The following LRGUK variants were observed in gnomAD, a reference collection of about 807,000 sequenced individuals.
The protein encoded by LRGUK is leucine rich repeats and guanylate kinase domain containing.
Under a neutral mutation model 76.0 loss-of-function variants are expected in LRGUK, and 65 were observed. The ratio of observed to expected loss-of-function variants is 0.85; its 90% CI spans 0.70 to 1.05. The LOEUF (loss-of-function observed/expected upper bound fraction) is 1.05, where lower values mean the gene tolerates loss of function less well. Ranked by LOEUF, LRGUK falls within the 50% of genes least tolerant of loss-of-function variation. The probability of loss-of-function intolerance (pLI) is 0.00; values close to 1 mark genes in which losing one functional copy is unlikely to be tolerated. For missense variants in LRGUK, 758 were observed against 732.8 expected, an observed-to-expected ratio of 1.03 and a Z score of -0.40; for synonymous variants, 268 against 265.6, an observed-to-expected ratio of 1.01 and a Z score of -0.09.
chr7:134,247,421 G>GT (rs61072493), intron 16 of LRGUK, 135 bp from the exon 17 acceptor site: 2 of 551,110 alleles, frequency 3.6e-6, no homozygotes, highest in Non-Finnish European at 6.2e-6. Flanking sequence ...AATATCAATT[G>GT]TTTTTTATGC....
intron 8 of LRGUK, among the ~76,000 whole-genome samples, chr7:134,176,402 CAG>C (rs764412325): frequency 9.9e-5 from 15 of 151,980 alleles, no homozygotes; most frequent in Non-Finnish European, 1.9e-4. Flanking sequence ...TTTTTTTCGA[CAG>C]AGTCTCCCTC....
At chr7:134,212,860 A>G (rs1362630441), downstream of LRGUK, among the ~76,000 whole-genome samples, 1 of 152,182 alleles carries the variant, frequency 6.6e-6, no homozygotes, top group African/African-American at 2.4e-5. Flanking sequence ...TGAAGGCCCC[A>G]CAGCGTGTTA....
At chr7:134,167,443 A>T (rs1430716187) in intron 7 of LRGUK, among the ~76,000 whole-genome samples, 1 of 152,206 alleles carries the variant, frequency 6.6e-6, no homozygotes, top group East Asian at 1.9e-4. Flanking sequence ...CTCCATGGTG[A>T]TGGGGTCAGC....
intron 15 of LRGUK, 138 bp downstream of exon 15, chr7:134,201,714 G>A: frequency 3.3e-6 from 2 of 605,820 alleles, no homozygotes; most frequent in Non-Finnish European, 5.8e-6. Flanking sequence ...TGGGGCAATT[G>A]TCCCCAAAAC....
chr7:134,237,504 A>T (rs1045530453), intron 16 of LRGUK, among the ~76,000 whole-genome samples: 1 of 152,144 alleles, frequency 6.6e-6, no homozygotes, highest in Non-Finnish European at 1.5e-5. Context: ...TGAAATTCAT[A>T]TTATCTTACC....
intron 7 of LRGUK, among the ~76,000 whole-genome samples, chr7:134,168,700 A>G (rs2116956127): frequency 1.3e-5 from 2 of 152,262 alleles, no homozygotes; most frequent in East Asian, 3.9e-4. Context: ...TGGATGAGGA[A>G]GAAGATGTGG....
intron 6 of LRGUK, among the ~76,000 whole-genome samples, chr7:134,160,883 G>C (rs1798698590): frequency 6.6e-6 from 1 of 152,170 alleles, no homozygotes; most frequent in Admixed American, 6.5e-5. Context: ...GAAGCTGGAT[G>C]TCCACTTTTA....
chr7:134,244,449 A>G (rs1264640507), intron 16 of LRGUK, among the ~76,000 whole-genome samples: 1 of 152,238 alleles, frequency 6.6e-6, no homozygotes, highest in African/African-American at 2.4e-5. Flanking sequence ...AGACACATGA[A>G]AACATGCTCA....
At chr7:134,249,367 T>G (rs908616863) in intron 18 of LRGUK, among the ~76,000 whole-genome samples, 2 of 152,112 alleles carry the variant, frequency 1.3e-5, no homozygotes, top group African/African-American at 4.8e-5. Context: ...GAACCGAGAT[T>G]TCAGAGGAAG....
At chr7:134,175,713 C>T (rs1799450058) in intron 8 of LRGUK, among the ~76,000 whole-genome samples, 1 of 152,062 alleles carries the variant, frequency 6.6e-6, no homozygotes, top group South Asian at 2.1e-4. Flanking sequence ...ACCACAATTA[C>T]TTTTGCACCA....
chr7:134,143,309 C>T (rs1409557736), intron 4 of LRGUK, 147 bp downstream of exon 4: 3 of 594,492 alleles, frequency 5.0e-6, no homozygotes, highest in Non-Finnish European at 8.9e-6. Flanking sequence ...AAAAAGAAGG[C>T]TTTGTGTATA....
intron 10 of LRGUK, among the ~76,000 whole-genome samples, chr7:134,182,657 T>C (rs1799803458): frequency 6.6e-6 from 1 of 152,158 alleles, no homozygotes; most frequent in Non-Finnish European, 1.5e-5. Flanking sequence ...AGCCATGTGG[T>C]TTTTTAAAAT....
At chr7:134,216,589 A>T (rs902787882) in intron 15 of LRGUK, among the ~76,000 whole-genome samples, 1 of 152,138 alleles carries the variant, frequency 6.6e-6, no homozygotes, top group East Asian at 1.9e-4. Flanking sequence ...AATAAATGCT[A>T]TCTGTTATTT....
At chr7:134,188,079 G>A (rs1172751603) in intron 11 of LRGUK, among the ~76,000 whole-genome samples, 1 of 152,198 alleles carries the variant, frequency 6.6e-6, no homozygotes, top group Non-Finnish European at 1.5e-5. Context: ...TATTTATCGA[G>A]CACTGTGCAA....
rs1249630293 is a variant in LRGUK, at chr7:134,178,945, A to AAAAACCAAAAAAAAAAC, written c.1214+339_1214+340insACCAAAAAAAAAACAAA. Reference sequence around the variant, plus strand: ...AAATCTCAAAAAAAAAAAAAAAAAAAAAACCAGGACCAATTTTTCTGCCTT... The same window carrying AAAAACCAAAAAAAAAAC: ...AAATCTCAAAAAAAAAAAAAAAAAAAAAAACCAAAAAAAAAACAAACCAGGACCAATTTTTCTGCCTT... On this transcript the variant is annotated intron_variant, in intron 10 of 15. Transcript: ENST00000645682. 1.5e-3 allele frequency among the ~76,000 whole-genome samples: 220 copies of AAAAACCAAAAAAAAAAC among 149,878 alleles called. 4 individuals carry two copies. Among genetic ancestry groups the AAAAACCAAAAAAAAAAC allele is most frequent in the Non-Finnish European group, 2.1e-3 (142 of 67,476 alleles).
rs76106216 is a variant in LRGUK, at chr7:134,260,708, C to G, written c.2347+2303C>G. 1.9e-3 allele frequency among the ~76,000 whole-genome samples: 283 copies of G among 152,222 alleles called. 7 individuals are homozygous for G. The East Asian group carries it at 0.048, about 26-fold the overall frequency. On this transcript the variant is annotated intron_variant, in intron 19 of 19. Coordinates refer to the LRGUK transcript ENST00000285928. ...CTTGTTGGGGCTTTAGCTGTTCTATCGTATCCCTCAATTAGTAGCCCCTGT... is the reference window on the plus strand; with the variant it reads ...CTTGTTGGGGCTTTAGCTGTTCTATGGTATCCCTCAATTAGTAGCCCCTGT...
At chr7:134,251,783 T>C (rs1802452848) in intron 18 of LRGUK, among the ~76,000 whole-genome samples, 1 of 152,184 alleles carries the variant, frequency 6.6e-6, no homozygotes, top group South Asian at 2.1e-4. Context: ...CATAAATGCA[T>C]CTACTGCTAT....
At chr7:134,257,032 C>A (rs1016125086) in intron 18 of LRGUK, among the ~76,000 whole-genome samples, 1 of 152,220 alleles carries the variant, frequency 6.6e-6, no homozygotes, top group East Asian at 1.9e-4. Context: ...GGGAGAGGAT[C>A]GTGTCCACCT....
chr7:134,268,703 T>C (rs1016266181), downstream of LRGUK, among the ~76,000 whole-genome samples: 5 of 143,678 alleles, frequency 3.5e-5, no homozygotes, highest in African/African-American at 1.3e-4. Context: ...ATATCACTTA[T>C]ATATGCAAAA....
Sources: allele counts gnomAD v4.1 joint callset (sites outside exome capture counted in the v4.1 genomes callset), GRCh38; gene constraint gnomAD v4.1.1; transcripts MANE v1.5; gene names NCBI Gene and HGNC (gene_info 2026-07-23, HGNC 2026-07-21).